Variants in SNX14 observed in about 807,000 individuals in gnomAD.
The protein encoded by SNX14 is sorting nexin 14, also known as sorting nexin-14.
In SNX14, 93 loss-of-function variants were observed where a neutral mutation model predicts 133.8. The ratio of observed to expected loss-of-function variants is 0.70; its 90% CI spans 0.59 to 0.83. The LOEUF (loss-of-function observed/expected upper bound fraction) is 0.83, where lower values mean the gene tolerates loss of function less well. Among genes scored for constraint, SNX14 ranks in the 40% least tolerant of loss-of-function variants. SNX14 has a pLI of 0.00. For synonymous variants in SNX14, 368 were observed against 365.6 expected, an observed-to-expected ratio of 1.01 and a Z score of -0.07; for missense variants, 945 against 1,094.9, an observed-to-expected ratio of 0.86 and a Z score of 1.93.
At chr6:85,507,030 G>T (rs1191599062) in intron 28 of SNX14, among the ~76,000 whole-genome samples, 1 of 151,974 alleles carries the variant, frequency 6.6e-6, no homozygotes, top group Non-Finnish European at 1.5e-5. Context: ...TGAAGTCAAA[G>T]CAGAAGCTAT....
intron 21 of SNX14, among the ~76,000 whole-genome samples, chr6:85,521,136 T>A (rs147877953): frequency 1.3e-5 from 2 of 152,332 alleles, no homozygotes; most frequent in East Asian, 3.8e-4. Context: ...ATGCGGTGTT[T>A]CCCAAACATG....
intron 1 of SNX14, among the ~76,000 whole-genome samples, chr6:85,582,246 T>C (rs1340941558): frequency 2.0e-5 from 3 of 151,896 alleles, no homozygotes; most frequent in African/African-American, 4.8e-5. Context: ...CACCCTAGAG[T>C]AGTATATCCA....
chr6:85,560,622 AAT>A (rs1243070303), intron 6 of SNX14, among the ~76,000 whole-genome samples: 1 of 152,240 alleles, frequency 6.6e-6, no homozygotes, highest in Non-Finnish European at 1.5e-5. Context: ...CAAATGGGTG[AAT>A]TACATGGTAT....
chr6:85,567,429 C>G (rs1248057890), intron 5 of SNX14, 105 bp downstream of exon 5: 10 of 857,498 alleles, frequency 1.2e-5, no homozygotes, highest in Non-Finnish European at 7.1e-6. Flanking sequence ...TCAACAATGA[C>G]AAAGTTGAGA....
intron 19 of SNX14, among the ~76,000 whole-genome samples, chr6:85,529,853 A>G (rs569124600): frequency 5.3e-5 from 8 of 152,206 alleles, no homozygotes; most frequent in Non-Finnish European, 7.3e-5. Flanking sequence ...CTTTATAACT[A>G]TATCCTTGAT....
intron 8 of SNX14, among the ~76,000 whole-genome samples, chr6:85,549,238 G>A (rs1189283380): frequency 2.0e-5 from 3 of 151,818 alleles, no homozygotes; most frequent in Non-Finnish European, 4.4e-5. Flanking sequence ...GGGTTATTAG[G>A]GTAAGAGTAA....
At chr6:85,574,806 G>A (rs894363527) in intron 1 of SNX14, among the ~76,000 whole-genome samples, 1 of 151,644 alleles carries the variant, frequency 6.6e-6, no homozygotes, top group Non-Finnish European at 1.5e-5. Flanking sequence ...GTCTCTACCT[G>A]CATGGAAAAC....
chr6:85,580,468 T>A (rs1332349040), intron 1 of SNX14, among the ~76,000 whole-genome samples: 2 of 151,858 alleles, frequency 1.3e-5, no homozygotes, highest in East Asian at 1.9e-4. Context: ...GAAGAAAAGG[T>A]AAAGGGGATG....
intron 23 of SNX14, among the ~76,000 whole-genome samples, chr6:85,516,989 C>T (rs1248552270): frequency 6.6e-6 from 1 of 152,094 alleles, no homozygotes; most frequent in Non-Finnish European, 1.5e-5. Flanking sequence ...AGCTACACCA[C>T]ACTATTCGAT....
At chr6:85,545,223 A>T (rs1032375925) in intron 12 of SNX14, among the ~76,000 whole-genome samples, 1 of 152,240 alleles carries the variant, frequency 6.6e-6, no homozygotes, top group Non-Finnish European at 1.5e-5. Flanking sequence ...ACCTCAAGAA[A>T]GGCAGCAAAG....
At chr6:85,592,479 C>T in intron 1 of SNX14, among the ~76,000 whole-genome samples, 1 of 152,208 alleles carries the variant, frequency 6.6e-6, no homozygotes. Flanking sequence ...GATTTCTTTC[C>T]ACCAAAAGCA....
chr6:85,568,470 C>A (rs1037233818), intron 4 of SNX14: 1 of 152,052 alleles, frequency 6.6e-6, no homozygotes, highest in Non-Finnish European at 1.5e-5. Flanking sequence ...GTTCGCTTTG[C>A]GAAAATTTTA....
chr6:85,580,334 G>A (rs1190681229), intron 1 of SNX14, among the ~76,000 whole-genome samples: 1 of 152,162 alleles, frequency 6.6e-6, no homozygotes, highest in Non-Finnish European at 1.5e-5. Flanking sequence ...TAAAACAGCA[G>A]CAGTAACCAG....
intron 17 of SNX14, among the ~76,000 whole-genome samples, chr6:85,535,308 C>T (rs998701832): frequency 2.0e-5 from 3 of 151,982 alleles, no homozygotes; most frequent in Non-Finnish European, 2.9e-5. Flanking sequence ...AGCCACCACA[C>T]CCAGCATAAA....
intron 2 of SNX14, among the ~76,000 whole-genome samples, chr6:85,573,885 A>G (rs1796453406): frequency 6.6e-6 from 1 of 152,210 alleles, no homozygotes; most frequent in South Asian, 2.1e-4. Context: ...CTCACGGTTA[A>G]TAGAGGACAC....
intron 1 of SNX14, among the ~76,000 whole-genome samples, chr6:85,578,502 G>A (rs1341377647): frequency 6.6e-6 from 1 of 152,166 alleles, no homozygotes; most frequent in Non-Finnish European, 1.5e-5. Flanking sequence ...ACTTTCAGTT[G>A]TGGGATCTTT....
At chr6:85,520,951 C>T (rs996930907) in intron 21 of SNX14, among the ~76,000 whole-genome samples, 3 of 152,118 alleles carry the variant, frequency 2.0e-5, no homozygotes, top group Non-Finnish European at 2.9e-5. Flanking sequence ...ATAGATTCTC[C>T]AAAGTATATA....
intron 24 of SNX14, 108 bp downstream of exon 24, chr6:85,514,398 T>C (rs1774055878): frequency 2.1e-6 from 3 of 1,447,224 alleles, no homozygotes; most frequent in Non-Finnish European, 1.9e-6. Context: ...ATAAAAGGTA[T>C]CTTCAATTAA....
rs151234571 is a variant in SNX14, at chr6:85,521,782, T to C, written c.2108-3734A>G. Among the ~76,000 whole-genome samples the C allele has an allele frequency of 7.4e-3, 1,122 of 152,360 alleles. 10 individuals are homozygous for C. Among genetic ancestry groups the C allele is most frequent in the African/African-American group, 0.025 (1,041 of 41,582 alleles). The stretch of plus-strand genomic sequence containing the variant: ...TTGTCTATTTTTGTTTTGTTGCCTA[T>C]GCTTTTGAAGTCTTAGCCATAAGAT... On this transcript the variant is annotated intron_variant, in intron 21 of 28. Transcript: ENST00000314673.
Sources: allele counts gnomAD v4.1 joint callset (sites outside exome capture counted in the v4.1 genomes callset), GRCh38; gene constraint gnomAD v4.1.1; transcripts MANE v1.5; gene names NCBI Gene and HGNC (gene_info 2026-07-23, HGNC 2026-07-21).